The following SCFD2 variants were observed in gnomAD, a reference collection of about 807,000 sequenced individuals.
SCFD2 encodes the protein sec1 family domain containing 2, also known as sec1 family domain-containing protein 2.
Under a neutral mutation model 58.9 loss-of-function variants are expected in SCFD2, and 54 were observed. That is an observed-to-expected ratio of 0.92 (90% CI 0.74 to 1.15). The LOEUF is 1.15. Among genes scored for constraint, SCFD2 ranks in the 50% most tolerant of loss-of-function variants. The pLI is 0.00. For missense variants in SCFD2, 805 were observed against 836.6 expected, an observed-to-expected ratio of 0.96 and a Z score of 0.47; for synonymous variants, 321 against 335.9, an observed-to-expected ratio of 0.96 and a Z score of 0.49.
At chr4:53,179,235 A>C (rs188635196) in intron 4 of SCFD2, among the ~76,000 whole-genome samples, 2,808 of 152,278 alleles carry the variant, frequency 0.018, 93 homozygotes, top group African/African-American at 0.064. Context: ...AAAAAATGTT[A>C]AGGGCAGCCA....
intron 6 of SCFD2, among the ~76,000 whole-genome samples, chr4:52,915,585 A>G (rs993245619): frequency 1.3e-5 from 2 of 151,792 alleles, no homozygotes; most frequent in Non-Finnish European, 2.9e-5. Context: ...CTGTCTGTTC[A>G]TCCATCCATC....
At chr4:53,133,284 C>T (rs1217890000) in intron 5 of SCFD2, among the ~76,000 whole-genome samples, 13 of 143,314 alleles carry the variant, frequency 9.1e-5, no homozygotes, top group South Asian at 9.0e-4. Context: ...GCCCAGATCG[C>T]GCCACTGCAC....
At chr4:52,878,008 A>C (rs1360664691) in intron 8 of SCFD2, among the ~76,000 whole-genome samples, 6 of 152,006 alleles carry the variant, frequency 3.9e-5, no homozygotes, top group Non-Finnish European at 1.5e-5. Context: ...TGTCTGGGAG[A>C]GGAGCTCCCC....
chr4:52,952,619 G>A (rs1399746103), intron 5 of SCFD2, among the ~76,000 whole-genome samples: 1 of 152,122 alleles, frequency 6.6e-6, no homozygotes, highest in Non-Finnish European at 1.5e-5. Flanking sequence ...TTTTGAAATA[G>A]GCAGTAATCA....
At chr4:52,954,698 C>T (rs951973188) in intron 5 of SCFD2, among the ~76,000 whole-genome samples, 3 of 152,174 alleles carry the variant, frequency 2.0e-5, no homozygotes. Context: ...ATGGCTTACA[C>T]AGCTGCATCA....
At chr4:52,966,083 G>A (rs1363861092) in intron 5 of SCFD2, among the ~76,000 whole-genome samples, 1 of 152,160 alleles carries the variant, frequency 6.6e-6, no homozygotes, top group Non-Finnish European at 1.5e-5. Context: ...ACCCTTGACA[G>A]CCCAGTCTTG....
intron 5 of SCFD2, among the ~76,000 whole-genome samples, chr4:53,025,536 C>A (rs1234500379): frequency 1.1e-4 from 2 of 18,006 alleles, no homozygotes; most frequent in Admixed American, 1.9e-3. Flanking sequence ...TATCAAAGCA[C>A]AATTTTTCAC....
intron 4 of SCFD2, among the ~76,000 whole-genome samples, chr4:53,216,053 T>A (rs1202519761): frequency 6.6e-6 from 1 of 152,212 alleles, no homozygotes; most frequent in East Asian, 1.9e-4. Flanking sequence ...TTCATCAGTA[T>A]GTTATTGAGG....
chr4:53,176,600 C>G lies in SCFD2; in HGVS notation c.1312-31018G>C, dbSNP rs146600796. Among the ~76,000 whole-genome samples the G allele has an allele frequency of 2.9e-3, 438 of 152,338 alleles. 1 individual carries two copies. Among genetic ancestry groups the G allele is most frequent in the African/African-American group, 0.01 (416 of 41,570 alleles). ...AATGGCAGCTGAGAGAAAAAGCCTTCTAGACCACTGTTCTGACTGCACTGT... is the reference window on the plus strand; with the variant it reads ...AATGGCAGCTGAGAGAAAAAGCCTTGTAGACCACTGTTCTGACTGCACTGT... On this transcript the variant is annotated intron_variant, in intron 4 of 8. Coordinates refer to ENST00000401642, the MANE Select transcript of SCFD2 (RefSeq NM_152540.4).
At chr4:53,358,976 A>G (rs79199507) in intron 1 of SCFD2, among the ~76,000 whole-genome samples, 2,736 of 152,284 alleles carry the variant, frequency 0.018, 84 homozygotes, top group African/African-American at 0.062. Flanking sequence ...GTGCTTATCA[A>G]CTGGATAACC....
At chr4:53,200,049 C>T (rs1314171335) in intron 4 of SCFD2, among the ~76,000 whole-genome samples, 2 of 152,038 alleles carry the variant, frequency 1.3e-5, no homozygotes, top group Non-Finnish European at 2.9e-5. Context: ...GTCCCACCCT[C>T]ATGACCTCAT....
chr4:52,980,824 G>A (rs768918392), intron 5 of SCFD2, among the ~76,000 whole-genome samples: 1 of 152,054 alleles, frequency 6.6e-6, no homozygotes, highest in Non-Finnish European at 1.5e-5. Context: ...AGCACACAGC[G>A]CCTTCTTCTA....
At chr4:53,301,506 G>A (rs558828482) in intron 3 of SCFD2, among the ~76,000 whole-genome samples, 33 of 152,010 alleles carry the variant, frequency 2.2e-4, no homozygotes, top group East Asian at 5.8e-4. Context: ...ATTCACAGCC[G>A]AATTCTACCA....
intron 4 of SCFD2, among the ~76,000 whole-genome samples, chr4:53,249,446 A>C (rs565566454): frequency 6.6e-6 from 1 of 152,312 alleles, no homozygotes; most frequent in African/African-American, 2.4e-5. Context: ...GATTCAGAAA[A>C]TACATAGAAC....
intron 3 of SCFD2, among the ~76,000 whole-genome samples, chr4:53,288,435 A>G (rs1731737357): frequency 6.6e-6 from 1 of 152,144 alleles, no homozygotes; most frequent in Admixed American, 6.6e-5. Flanking sequence ...TCTAAAAAGG[A>G]CCTAAACAAG....
intron 5 of SCFD2, among the ~76,000 whole-genome samples, chr4:52,975,179 T>C (rs1486843415): frequency 6.6e-6 from 1 of 152,178 alleles, no homozygotes; most frequent in African/African-American, 2.4e-5. Flanking sequence ...TGGGATCTTA[T>C]TAAACTAAAG....
intron 3 of SCFD2, among the ~76,000 whole-genome samples, chr4:53,298,617 C>T (rs1732141967): frequency 6.6e-6 from 1 of 152,198 alleles, no homozygotes; most frequent in South Asian, 2.1e-4. Context: ...CAGCACACAG[C>T]TTGAGATCTG....
intron 4 of SCFD2, among the ~76,000 whole-genome samples, chr4:53,179,147 A>G (rs1432881859): frequency 1.3e-5 from 2 of 152,158 alleles, no homozygotes; most frequent in Admixed American, 6.5e-5. Context: ...GAAATACAGA[A>G]AACACCACAA....
In SCFD2 at chr4:53,087,907, C is replaced by T. The variant is rs565168176; in HGVS notation, c.1561+57426G>A. ...AACTCCTGACCTCATGATCCACCCA[C>T]CTCAGTCTCCCAAAGTGCTGGGATT... On this transcript the variant is annotated intron_variant, in intron 5 of 8. Coordinates refer to ENST00000401642, the MANE Select transcript of SCFD2 (RefSeq NM_152540.4). Among the ~76,000 whole-genome samples, 10 of 152,124 alleles carry T rather than the reference C, an allele frequency of 6.6e-5. No homozygotes were observed. In the South Asian group the frequency reaches 1.0e-3, roughly 16 times the overall value.
Sources: allele counts gnomAD v4.1 joint callset (sites outside exome capture counted in the v4.1 genomes callset), GRCh38; gene constraint gnomAD v4.1.1; transcripts MANE v1.5; gene names NCBI Gene and HGNC (gene_info 2026-07-23, HGNC 2026-07-21).